GMPS: variants seen among roughly 807,000 people sequenced by gnomAD.
GMPS encodes the protein GMP synthase [glutamine-hydrolyzing].
Under a neutral mutation model 77.9 loss-of-function variants are expected in GMPS, and 15 were observed. The ratio of observed to expected loss-of-function variants is 0.19; its 90% CI spans 0.13 to 0.30. The LOEUF is 0.30. GMPS is among the 10% of genes least tolerant of loss of function. The pLI is 1.00. For missense variants in GMPS, 590 were observed against 838.8 expected (o/e 0.70, Z 3.66); for synonymous variants, 224 against 275.9 (o/e 0.81, Z 1.86).
intron 1 of GMPS, among the ~76,000 whole-genome samples, chr3:155,889,259 C>T (rs1370740550): frequency 1.3e-5 from 2 of 152,058 alleles, no homozygotes; most frequent in African/African-American, 4.8e-5. Context: ...TTTTCCTGTC[C>T]TGTTAGTTTT....
At chr3:155,894,338 C>T (rs1315082052) in intron 2 of GMPS, among the ~76,000 whole-genome samples, 2 of 152,170 alleles carry the variant, frequency 1.3e-5, no homozygotes, top group Non-Finnish European at 2.9e-5. Context: ...ATGCTCCTGC[C>T]TCAGCCTCTC....
At chr3:155,876,088 G>A (rs773664447) in intron 1 of GMPS, among the ~76,000 whole-genome samples, 5 of 152,162 alleles carry the variant, frequency 3.3e-5, no homozygotes, top group Non-Finnish European at 7.4e-5. Context: ...TGTGGCAAGA[G>A]TGTTCAGATT....
At chr3:155,920,376 C>T (rs1448304962) in intron 10 of GMPS, among the ~76,000 whole-genome samples, 1 of 151,650 alleles carries the variant, frequency 6.6e-6, no homozygotes, top group Admixed American at 6.6e-5. Context: ...GTCTGTGGAC[C>T]GGTGTGGTGG....
chr3:155,870,718 G>C lies in GMPS; in HGVS notation c.-153G>C. 1 of 565,842 alleles carries C rather than the reference G, an allele frequency of 1.8e-6. No homozygotes were observed. The allele number at this position is 565,842 out of a possible 1,614,324, so 35.1% of individuals were successfully genotyped here. A position where few individuals can be genotyped will look rare whatever the true frequency, so the allele number is the denominator to read the frequency against. On this transcript the variant is annotated 5_prime_UTR_variant, in exon 1 of 16. Transcript: ENST00000496455. The stretch of plus-strand genomic sequence containing the variant: ...GCGCTCCGCTGCTGTTGCTCCATTC[G>C]GCGCTTTTCTGGCGGCTGGCTCCTC...
At chr3:155,922,450 ATATTCT>A in intron 11 of GMPS, 148 bp downstream of exon 11, 1 of 477,542 alleles carries the variant, frequency 2.1e-6, no homozygotes, top group Non-Finnish European at 3.7e-6. Context: ...TATTCCACAG[ATATTCT>A]TATATGCATA....
chr3:155,893,169 A>G (rs757652101), intron 1 of GMPS, among the ~76,000 whole-genome samples: 3 of 152,216 alleles, frequency 2.0e-5, no homozygotes, highest in Non-Finnish European at 2.9e-5. Context: ...CACTGTTAAT[A>G]ATAATGCCCA....
intron 12 of GMPS, among the ~76,000 whole-genome samples, chr3:155,926,489 G>A (rs1404803477): frequency 6.6e-6 from 1 of 151,896 alleles, no homozygotes; most frequent in Non-Finnish European, 1.5e-5. Flanking sequence ...TGTTTATAAT[G>A]TCCTCTTACA....
rs887048772 is a variant in GMPS at position 155,943,567 on chromosome 3, A to G, written c.*5875A>G. Reference sequence around the variant, plus strand: ...TTTTTTATAAAGAAATATTTTGTTAATTGGAGTAAGTAGTATTGTTATGAA... The same window carrying G: ...TTTTTTATAAAGAAATATTTTGTTAGTTGGAGTAAGTAGTATTGTTATGAA... On this transcript the variant is annotated 3_prime_UTR_variant, in exon 16 of 16. Transcript: ENST00000496455. 5.6e-6 allele frequency: 1 copy of G among 179,092 alleles called. No individual in the cohort carries two copies. Among genetic ancestry groups the G allele is most frequent in the African/African-American group, 2.4e-5 (1 of 42,372 alleles). 11.1% of individuals were successfully genotyped at this position (179,092 alleles called of 1,614,324 possible). A position where few individuals can be genotyped will look rare whatever the true frequency, so the allele number is the denominator to read the frequency against.
At chr3:155,896,640 C>T (rs1052398288) in intron 2 of GMPS, among the ~76,000 whole-genome samples, 77 of 150,622 alleles carry the variant, frequency 5.1e-4, no homozygotes, top group African/African-American at 1.8e-3. Context: ...AGGCTGGTCT[C>T]GAGCTCCTGG....
chr3:155,903,817 A>G (rs1020606192), intron 3 of GMPS, 46 bp from the exon 4 acceptor site: 5 of 766,428 alleles, frequency 6.5e-6, no homozygotes, highest in Middle Eastern at 2.4e-4. Flanking sequence ...CAAAATGGGT[A>G]TTTTTCTTTT....
In GMPS at chr3:155,915,930, G is replaced by A. The variant is rs369537826; in HGVS notation, c.1039-89G>A. On this transcript the variant is annotated intron_variant, in intron 8 of 15. Coordinates refer to ENST00000496455, the MANE Select transcript of GMPS (RefSeq NM_003875.3). ...TTATTTTCTGATCAGTATTTCTAAA[G>A]GACTCTAAGAGATTTAGCTGAAAGT... 9.2e-5 allele frequency: 71 copies of A among 770,204 alleles called. No individual in the cohort carries two copies. In the African/African-American group the frequency reaches 9.3e-4, roughly 10 times the overall value. The allele number at this position is 770,204 out of a possible 1,614,324, so 47.7% of individuals were successfully genotyped here. A position where few individuals can be genotyped will look rare whatever the true frequency, so the allele number is the denominator to read the frequency against.
intron 12 of GMPS, among the ~76,000 whole-genome samples, chr3:155,928,702 A>C: frequency 1.2e-5 from 1 of 84,272 alleles, no homozygotes; most frequent in Non-Finnish European, 2.2e-5. Flanking sequence ...CCACCCCACC[A>C]CAGTCCCCAG....
In GMPS at chr3:155,942,087, TAC is replaced by T. The variant is rs1577543593; in HGVS notation, c.*4397_*4398del. On this transcript the variant is annotated 3_prime_UTR_variant, in exon 16 of 16. Coordinates refer to ENST00000496455, the MANE Select transcript of GMPS (RefSeq NM_003875.3). Reference sequence around the variant, plus strand: ...CTGGAGGAGGTAGAACTCAAGCATTTACAGTTTTGTTTTGTTTTTTTTTTAAG... The same window carrying T: ...CTGGAGGAGGTAGAACTCAAGCATTTAGTTTTGTTTTGTTTTTTTTTTAAG... 1 of 197,872 alleles carries T rather than the reference TAC, an allele frequency of 5.1e-6. No homozygotes were observed. The highest frequency in any genetic ancestry group is 1.9e-4 in the South Asian group (1 of 5,220). 12.3% of individuals were successfully genotyped at this position (197,872 alleles called of 1,614,324 possible).
At chr3:155,888,553 C>G (rs1754391890) in intron 1 of GMPS, among the ~76,000 whole-genome samples, 2 of 151,450 alleles carry the variant, frequency 1.3e-5, no homozygotes, top group Non-Finnish European at 2.9e-5. Context: ...TCCCGAGTAG[C>G]TAGGACCACA....
At position 155,931,766 on chromosome 3, in the gene GMPS, G is replaced by A. The variant is rs1351411216; in HGVS notation, c.1562G>A (p.Gly521Asp). Residue 521 changes from glycine to aspartate, a missense_variant and splice_region_variant, in exon 13 of 16, where the codon GGT becomes GAT. Coordinates refer to ENST00000496455, the MANE Select transcript of GMPS (RefSeq NM_003875.3). ...TATTGATTATCTTTTTATTTTCAGG[G>A]TGACTGTCGTTCCTACAGTTACGTG... ...LLPIKTVGVQ[G>D]DCRSYSYVCG... is the part of the protein sequence containing the mutation. 1.5e-6 allele frequency: 2 copies of A among 1,311,192 alleles called. No homozygotes were observed. The highest frequency in any genetic ancestry group is 1.1e-6 in the Non-Finnish European group (1 of 908,614). 81.2% of individuals were successfully genotyped at this position (1,311,192 alleles called of 1,614,324 possible).
chr3:155,931,672 T>G, intron 12 of GMPS, 93 bp from the exon 13 acceptor site: 1 of 573,860 alleles, frequency 1.7e-6, no homozygotes, highest in Non-Finnish European at 3.0e-6. Flanking sequence ...ATGCATCTTT[T>G]CTTTTTTTTT....
intron 13 of GMPS, among the ~76,000 whole-genome samples, chr3:155,932,939 C>G (rs1755662995): frequency 6.6e-6 from 1 of 152,208 alleles, no homozygotes; most frequent in Non-Finnish European, 1.5e-5. Context: ...CGCCTGTAAT[C>G]CCACCACTTT....
At position 155,925,275 on chromosome 3, in the gene GMPS, C is replaced by T. The variant is rs1755423512; in HGVS notation, c.1469C>T (p.Thr490Ile). The part of the protein sequence containing the change: ...HTLLQRVKAC[T>I]TEEDQEKLMQ... Reference sequence around the variant, plus strand: ...CTATTACAGAGAGTCAAAGCCTGCACAACAGAAGAGGATCAGGAGAAGCTG... The same window carrying T: ...CTATTACAGAGAGTCAAAGCCTGCATAACAGAAGAGGATCAGGAGAAGCTG... The change falls in exon 12 of 16, where the codon ACA becomes ATA. Residue 490 changes from threonine to isoleucine, a missense_variant. Transcript: ENST00000496455. 1.2e-6 allele frequency: 2 copies of T among 1,612,936 alleles called. No individual in the cohort carries two copies. The highest frequency in any genetic ancestry group is 4.5e-5 in the East Asian group (2 of 44,878).
chr3:155,898,062 T>C (rs773636499), intron 3 of GMPS, 21 bp downstream of exon 3: 3 of 1,155,040 alleles, frequency 2.6e-6, no homozygotes, highest in South Asian at 1.2e-5. Flanking sequence ...AAATTTGTTT[T>C]GAAAGCTTAC....
Sources: gnomAD v4.1 joint callset for allele counts (sites outside exome capture counted in the v4.1 genomes callset) on GRCh38, gnomAD v4.1.1 for gene constraint, MANE v1.5 for transcripts, NCBI Gene and HGNC (gene_info 2026-07-23, HGNC 2026-07-21) for gene names.